The following DLGAP2 variants were observed in gnomAD, a reference collection of about 807,000 sequenced individuals.
DLGAP2 encodes the protein DLG associated protein 2, also known as disks large-associated protein 2.
In DLGAP2, 26 loss-of-function variants were observed where a neutral mutation model predicts 100.3. That is an observed-to-expected ratio of 0.26 (90% CI 0.19 to 0.36). The LOEUF is 0.36. DLGAP2 is among the 10% of genes least tolerant of loss of function. The pLI, the probability that DLGAP2 is intolerant of heterozygous loss-of-function variation, is 1.00. For missense variants in DLGAP2, 1,858 were observed against 1,453.2 expected, an observed-to-expected ratio of 1.28 and a Z score of -4.53; for synonymous variants, 886 against 630.1, an observed-to-expected ratio of 1.41 and a Z score of -6.08.
At chr8:1,265,117 G>C (rs1234083080) in intron 3 of DLGAP2, among the ~76,000 whole-genome samples, 1 of 151,942 alleles carries the variant, frequency 6.6e-6, no homozygotes, top group East Asian at 1.9e-4. Flanking sequence ...AATAGTACAG[G>C]GAATAAGAAG....
intron 1 of DLGAP2, among the ~76,000 whole-genome samples, chr8:778,929 C>G (rs1821607397): frequency 6.6e-6 from 1 of 152,252 alleles, no homozygotes; most frequent in African/African-American, 2.4e-5. Flanking sequence ...GGTGGGCGCC[C>G]CTCCCCCAGC....
At chr8:831,207 CTTTTT>C (rs59545503) in intron 1 of DLGAP2, among the ~76,000 whole-genome samples, 2 of 127,664 alleles carry the variant, frequency 1.6e-5, no homozygotes, top group Non-Finnish European at 1.6e-5. Flanking sequence ...CCAGCAGTCA[CTTTTT>C]TTTTTTTTTT....
At chr8:1,489,979 C>A (rs987395330) in intron 3 of DLGAP2, among the ~76,000 whole-genome samples, 1 of 152,224 alleles carries the variant, frequency 6.6e-6, no homozygotes, top group Admixed American at 6.5e-5. Context: ...GCAACCTCCA[C>A]CTCTCAGGTT....
chr8:1,307,197 A>T (rs907512936), intron 3 of DLGAP2, among the ~76,000 whole-genome samples: 1 of 152,194 alleles, frequency 6.6e-6, no homozygotes, highest in Non-Finnish European at 1.5e-5. Context: ...CAGCAAAATA[A>T]TCTGATTCAA....
intron 1 of DLGAP2, among the ~76,000 whole-genome samples, chr8:855,486 C>G (rs1455677585): frequency 1.3e-5 from 2 of 152,062 alleles, no homozygotes; most frequent in African/African-American, 4.8e-5. Context: ...TTGAGGGTGC[C>G]AAGAGAAAAC....
chr8:751,637 T>TCATCTGACACTTTATAGTAAGTC lies in DLGAP2; in HGVS notation c.18+13814_18+13836dup, dbSNP rs1489730128. Among the ~76,000 whole-genome samples, 5 of 152,078 alleles carry TCATCTGACACTTTATAGTAAGTC rather than the reference T, an allele frequency of 3.3e-5. No homozygotes were observed. The East Asian group carries it at 7.7e-4, about 23-fold the overall frequency. ...TTTATAGTAAGTCCTTATAGGAAGT[T>TCATCTGACACTTTATAGTAAGTC]CATCTGACACTTTATAGTAAGTCCT... is the stretch of plus-strand genomic sequence containing the variant. On this transcript the variant is annotated intron_variant, in intron 1 of 14. Coordinates refer to ENST00000637795, the MANE Select transcript of DLGAP2 (RefSeq NM_001346810.2).
chr8:1,178,085 G>T (rs1364291847), intron 2 of DLGAP2, among the ~76,000 whole-genome samples: 1 of 152,224 alleles, frequency 6.6e-6, no homozygotes, highest in African/African-American at 2.4e-5. Context: ...TCTGGGACCT[G>T]AGCTGGTGGT....
intron 3 of DLGAP2, among the ~76,000 whole-genome samples, chr8:1,412,594 C>T (rs898518921): frequency 6.6e-6 from 1 of 152,194 alleles, no homozygotes; most frequent in Non-Finnish European, 1.5e-5. Context: ...GTTGCTTCAC[C>T]CCTCTCTGCC....
In DLGAP2 at chr8:1,021,244, T is replaced by G. The variant is rs181389401; in HGVS notation, c.73+113278T>G. Among the ~76,000 whole-genome samples, 5 of 152,278 alleles carry G rather than the reference T, an allele frequency of 3.3e-5. No individual in the cohort carries two copies. In the East Asian group the frequency reaches 9.7e-4, roughly 29 times the overall value. ...AGAAACATAAGAAGGATGGAACGCATAGATTTGCTGATTTTTCCAGGTGTA... is the reference window on the plus strand; with the variant it reads ...AGAAACATAAGAAGGATGGAACGCAGAGATTTGCTGATTTTTCCAGGTGTA... On this transcript the variant is annotated intron_variant, in intron 2 of 14. Coordinates refer to ENST00000637795, the MANE Select transcript of DLGAP2 (RefSeq NM_001346810.2).
In DLGAP2 at chr8:1,678,238, C is replaced by G. The variant is rs370717364; in HGVS notation, c.2313C>G (p.Asn771Lys). 6.2e-7 allele frequency: 1 copy of G among 1,613,306 alleles called. No individual in the cohort carries two copies. Among genetic ancestry groups the G allele is most frequent in the Non-Finnish European group, 8.5e-7 (1 of 1,179,532 alleles). ...GACACGGACGTTTTAAACGTTCTAA[C>G]AGCGTCACGGCCGCCGTCCAAGCTG... ...EKRHGRFKRS[N>K]SVTAAVQADL... The change falls in exon 12 of 15, where the codon AAC (asparagine) becomes AAG (lysine). Residue 771 changes from asparagine (N) to lysine (K), a missense_variant. Asn to Lys is a moderately conservative substitution (Grantham distance 94). Coordinates refer to ENST00000637795, the MANE Select transcript of DLGAP2 (RefSeq NM_001346810.2).
At chr8:1,146,232 G>A (rs897665229) in intron 2 of DLGAP2, among the ~76,000 whole-genome samples, 1 of 152,122 alleles carries the variant, frequency 6.6e-6, no homozygotes, top group Non-Finnish European at 1.5e-5. Flanking sequence ...CTGGATGCTC[G>A]GTCACCTCGA....
intron 6 of DLGAP2, among the ~76,000 whole-genome samples, chr8:1,601,406 G>A (rs1796619632): frequency 6.6e-6 from 1 of 152,210 alleles, no homozygotes; most frequent in Admixed American, 6.5e-5. Flanking sequence ...GCGCTGTGCT[G>A]GGAGAGCTGC....
At chr8:763,642 C>A (rs549913964) in intron 1 of DLGAP2, among the ~76,000 whole-genome samples, 1 of 152,002 alleles carries the variant, frequency 6.6e-6, no homozygotes, top group Admixed American at 6.6e-5. Context: ...TGGTCGGTGG[C>A]GACCCAGAGA....
intron 1 of DLGAP2, among the ~76,000 whole-genome samples, chr8:877,464 G>A (rs564652510): frequency 1.3e-5 from 2 of 152,306 alleles, no homozygotes; most frequent in Admixed American, 1.3e-4. Flanking sequence ...GGTATGGGCA[G>A]GCTTTCTTCC....
At chr8:1,491,065 T>TAAAG (rs71190743) in intron 3 of DLGAP2, among the ~76,000 whole-genome samples, 22 of 80,178 alleles carry the variant, frequency 2.7e-4, no homozygotes, top group African/African-American at 9.3e-4. Context: ...TAAATAAAAA[T>TAAAG]AAACTGGAAA....
intron 3 of DLGAP2, among the ~76,000 whole-genome samples, chr8:1,310,189 G>A (rs185968216): frequency 4.0e-5 from 6 of 151,528 alleles, no homozygotes; most frequent in East Asian, 3.9e-4. Context: ...AAATATATAC[G>A]CAACAGGAAA....
intron 2 of DLGAP2, among the ~76,000 whole-genome samples, chr8:974,076 AAGAAAG>A (rs1800099968): frequency 6.6e-6 from 1 of 152,142 alleles, no homozygotes; most frequent in Non-Finnish European, 1.5e-5. Flanking sequence ...AAAGAGAAGA[AAGAAAG>A]AAAAGAAAAG....
intron 2 of DLGAP2, among the ~76,000 whole-genome samples, chr8:1,140,336 C>G (rs1796500251): frequency 8.0e-6 from 1 of 124,694 alleles, no homozygotes; most frequent in Non-Finnish European, 1.8e-5. Context: ...TCCCTTCCAT[C>G]TGGAAGGCAG....
At chr8:1,344,672 A>C (rs1280362253) in intron 3 of DLGAP2, among the ~76,000 whole-genome samples, 1 of 151,668 alleles carries the variant, frequency 6.6e-6, no homozygotes, top group Non-Finnish European at 1.5e-5. Flanking sequence ...CTCATTCTCC[A>C]CTCAGTCTCC....
Sources: allele counts gnomAD v4.1 joint callset (sites outside exome capture counted in the v4.1 genomes callset), GRCh38; gene constraint gnomAD v4.1.1; transcripts MANE v1.5; gene names NCBI Gene and HGNC (gene_info 2026-07-23, HGNC 2026-07-21).